Variants in HPSE2 observed in about 807,000 individuals in gnomAD.
HPSE2 encodes the protein heparanase 2 (inactive), also known as inactive heparanase-2.
Under a neutral mutation model 60.5 loss-of-function variants are expected in HPSE2, and 38 were observed. That is an observed-to-expected ratio of 0.63 (90% CI 0.48 to 0.82). HPSE2 has a LOEUF of 0.82. HPSE2 is among the 40% of genes least tolerant of loss of function. The pLI is 0.00. For synonymous variants in HPSE2, 295 were observed against 293.2 expected, an observed-to-expected ratio of 1.01 and a Z score of -0.06; for missense variants, 713 against 740.4, an observed-to-expected ratio of 0.96 and a Z score of 0.43.
chr10:99,102,672 A>C lies in HPSE2; in HGVS notation c.610+41566T>G, dbSNP rs975454151. ...CCTGATACCAAAGCCTGGCAGAGAC[A>C]CAACAAAAAAAGAGAATTTTAGACC... On this transcript the variant is annotated intron_variant, in intron 3 of 11. Transcript: ENST00000370552. 3.3e-4 allele frequency among the ~76,000 whole-genome samples: 51 copies of C among 152,266 alleles called. 1 individual carries two copies. In the East Asian group the frequency reaches 4.6e-3, roughly 14 times the overall value.
intron 3 of HPSE2, among the ~76,000 whole-genome samples, chr10:98,761,251 T>C (rs529696223): frequency 6.6e-5 from 10 of 152,228 alleles, no homozygotes; most frequent in South Asian, 4.2e-4. Flanking sequence ...CAGAAATAAA[T>C]GAAATAGACA....
intron 3 of HPSE2, among the ~76,000 whole-genome samples, chr10:98,939,847 G>C (rs1395291963): frequency 1.4e-5 from 2 of 143,656 alleles, no homozygotes; most frequent in East Asian, 2.0e-4. Flanking sequence ...GCTCTCCTCA[G>C]CAAATGTAAA....
chr10:98,635,474 C>T (rs555717750), intron 7 of HPSE2, among the ~76,000 whole-genome samples: 1 of 152,304 alleles, frequency 6.6e-6, no homozygotes, highest in South Asian at 2.1e-4. Flanking sequence ...ATGAAATCAA[C>T]CTGTCTCCAT....
At chr10:98,494,609 G>T (rs1048345940) in intron 9 of HPSE2, among the ~76,000 whole-genome samples, 2 of 152,294 alleles carry the variant, frequency 1.3e-5, no homozygotes. Context: ...GCTTTTAAGA[G>T]AAGTTACTAT....
At chr10:99,094,227 T>C (rs1056027265) in intron 3 of HPSE2, among the ~76,000 whole-genome samples, 1 of 151,948 alleles carries the variant, frequency 6.6e-6, no homozygotes, top group Non-Finnish European at 1.5e-5. Flanking sequence ...TTGTCGTCGT[T>C]CACGTTATTA....
At chr10:98,683,386 C>A (rs1589631863) in intron 6 of HPSE2, among the ~76,000 whole-genome samples, 2 of 140,650 alleles carry the variant, frequency 1.4e-5, no homozygotes, top group African/African-American at 2.6e-5. Flanking sequence ...ACTGGAAAAG[C>A]AAAGAAAGCA....
At chr10:98,814,836 A>C (rs1292972225) in intron 3 of HPSE2, among the ~76,000 whole-genome samples, 3 of 152,224 alleles carry the variant, frequency 2.0e-5, no homozygotes, top group Non-Finnish European at 2.9e-5. Flanking sequence ...CTTACTCTTC[A>C]TTATCCAATA....
intron 3 of HPSE2, among the ~76,000 whole-genome samples, chr10:98,931,928 C>T (rs1375573172): frequency 7.0e-6 from 1 of 143,752 alleles, no homozygotes; most frequent in Non-Finnish European, 1.5e-5. Flanking sequence ...GACAATTTGA[C>T]TTCCTCTCTT....
At chr10:98,978,686 A>G (rs984611947) in intron 3 of HPSE2, among the ~76,000 whole-genome samples, 1 of 152,210 alleles carries the variant, frequency 6.6e-6, no homozygotes, top group African/African-American at 2.4e-5. Flanking sequence ...TATTCTTACT[A>G]ATTACTACAT....
At chr10:98,674,270 T>C (rs1288807769) in intron 6 of HPSE2, among the ~76,000 whole-genome samples, 5 of 152,250 alleles carry the variant, frequency 3.3e-5, no homozygotes, top group Admixed American at 6.5e-5. Flanking sequence ...ATATGCATTT[T>C]GAGACAGCAA....
At chr10:99,134,245 T>C (rs1339178869) in intron 3 of HPSE2, among the ~76,000 whole-genome samples, 1 of 152,200 alleles carries the variant, frequency 6.6e-6, no homozygotes, top group Non-Finnish European at 1.5e-5. Flanking sequence ...CTACATCTAA[T>C]TGGTGTACCT....
intron 3 of HPSE2, among the ~76,000 whole-genome samples, chr10:99,001,555 A>G (rs921812017): frequency 6.6e-6 from 1 of 152,118 alleles, no homozygotes; most frequent in Non-Finnish European, 1.5e-5. Flanking sequence ...TAAAAAGAAT[A>G]AAGACAAAAT....
intron 11 of HPSE2, among the ~76,000 whole-genome samples, chr10:98,475,432 C>CT (rs1361062918): frequency 6.6e-6 from 1 of 151,744 alleles, no homozygotes; most frequent in Non-Finnish European, 1.5e-5. Flanking sequence ...GACCATAATT[C>CT]TTTTAAAATT....
chr10:99,181,729 G>C (rs554233070), intron 2 of HPSE2, among the ~76,000 whole-genome samples: 95 of 152,274 alleles, frequency 6.2e-4, no homozygotes, highest in Admixed American at 2.8e-3. Context: ...GGGACCTGTG[G>C]GGGTGGGGAG....
intron 3 of HPSE2, among the ~76,000 whole-genome samples, chr10:98,953,170 G>T (rs1351746350): frequency 1.3e-5 from 2 of 152,176 alleles, no homozygotes; most frequent in Admixed American, 6.5e-5. Context: ...CTTCCTTCTG[G>T]TAGCAGGGTA....
At chr10:99,085,962 C>T (rs898460482) in intron 3 of HPSE2, among the ~76,000 whole-genome samples, 1 of 152,146 alleles carries the variant, frequency 6.6e-6, no homozygotes, top group African/African-American at 2.4e-5. Flanking sequence ...ATTGCCCTGC[C>T]CATACCTCTG....
intron 3 of HPSE2, among the ~76,000 whole-genome samples, chr10:98,944,493 T>G (rs1955121917): frequency 6.6e-6 from 1 of 152,168 alleles, no homozygotes; most frequent in South Asian, 2.1e-4. Flanking sequence ...TTTATACTAT[T>G]TCAGTGGTTT....
intron 3 of HPSE2, among the ~76,000 whole-genome samples, chr10:98,803,091 ATG>A (rs1232529589): frequency 1.3e-5 from 2 of 151,302 alleles, no homozygotes; most frequent in Non-Finnish European, 2.9e-5. Context: ...GCATTTTTTC[ATG>A]TGTTTTTTGG....
Position 99,040,464 on chromosome 10 carries a change from T to C in HPSE2, c.610+103774A>G, listed in dbSNP as rs1280990736. ...CACCAGTAGAGTCCATTTTGACACA[T>C]GTTCACCAACACTTTGTCTTCTATA... is the stretch of plus-strand genomic sequence containing the variant. On this transcript the variant is annotated intron_variant, in intron 3 of 11. Coordinates refer to ENST00000370552, the MANE Select transcript of HPSE2 (RefSeq NM_021828.5). Among the ~76,000 whole-genome samples, 8 of 152,190 alleles carry C rather than the reference T, an allele frequency of 5.3e-5. No individual in the cohort carries two copies. In the East Asian group the frequency reaches 1.5e-3, roughly 29 times the overall value.
Sources: allele counts gnomAD v4.1 joint callset (sites outside exome capture counted in the v4.1 genomes callset), GRCh38; gene constraint gnomAD v4.1.1; transcripts MANE v1.5; gene names NCBI Gene and HGNC (gene_info 2026-07-23, HGNC 2026-07-21).